The following CFAP299 variants were observed in gnomAD, a reference collection of about 807,000 sequenced individuals.
CFAP299 encodes the protein cilia- and flagella-associated protein 299.
A neutral mutation model predicts 27.0 loss-of-function variants in CFAP299; 21 were observed. That is an observed-to-expected ratio of 0.78 (90% confidence interval 0.55 to 1.12). CFAP299 has a LOEUF of 1.12. Ranked by LOEUF, CFAP299 falls within the 50% of genes most tolerant of loss-of-function variation. The pLI, the probability that CFAP299 is intolerant of heterozygous loss-of-function variation, is 0.00. For missense variants in CFAP299, 310 were observed against 276.6 expected (o/e 1.12, Z -0.86); for synonymous variants, 104 against 98.1 (o/e 1.06, Z -0.36).
At chr4:80,899,176 T>C (rs541728676) in intron 4 of CFAP299, among the ~76,000 whole-genome samples, 3 of 152,342 alleles carry the variant, frequency 2.0e-5, no homozygotes, top group Non-Finnish European at 2.9e-5. Context: ...AGATAATATA[T>C]GTAGAACACT....
chr4:80,712,842 A>G (rs1203398571), intron 3 of CFAP299, among the ~76,000 whole-genome samples: 2 of 152,160 alleles, frequency 1.3e-5, no homozygotes, highest in East Asian at 3.9e-4. Flanking sequence ...ACTGTTTTTC[A>G]TAATCTGACC....
chr4:80,498,615 A>G (rs527332461), intron 2 of CFAP299, among the ~76,000 whole-genome samples: 2 of 152,288 alleles, frequency 1.3e-5, no homozygotes, highest in South Asian at 4.1e-4. Flanking sequence ...GAGGTTGTGG[A>G]GAACAGGGAA....
intron 2 of CFAP299, among the ~76,000 whole-genome samples, chr4:80,385,055 A>G (rs112140903): frequency 6.6e-6 from 1 of 152,198 alleles, no homozygotes; most frequent in African/African-American, 2.4e-5. Flanking sequence ...AAATGAAGCT[A>G]TTACATATCC....
intron 2 of CFAP299, among the ~76,000 whole-genome samples, chr4:80,580,867 C>T (rs1165966763): frequency 6.6e-6 from 1 of 151,958 alleles, no homozygotes. Context: ...CTCTAAGAGA[C>T]AATGTGTGGC....
At chr4:80,583,906 A>G (rs1400986577) in intron 3 of CFAP299, among the ~76,000 whole-genome samples, 1 of 151,998 alleles carries the variant, frequency 6.6e-6, no homozygotes, top group Non-Finnish European at 1.5e-5. Flanking sequence ...ATTTAGAGCA[A>G]CAGAAAAATA....
chr4:80,895,556 A>AAT (rs900447017), intron 4 of CFAP299, among the ~76,000 whole-genome samples: 4 of 151,934 alleles, frequency 2.6e-5, no homozygotes, highest in Non-Finnish European at 5.9e-5. Context: ...GTTTGCAGAA[A>AAT]ATATATATAT....
chr4:80,736,980 G>T (rs1202450465), intron 3 of CFAP299, among the ~76,000 whole-genome samples: 1 of 152,094 alleles, frequency 6.6e-6, no homozygotes, highest in Non-Finnish European at 1.5e-5. Context: ...ATACTACGCA[G>T]CCATAAAAAA....
At chr4:80,485,477 C>G (rs1730768050) in intron 2 of CFAP299, among the ~76,000 whole-genome samples, 1 of 151,822 alleles carries the variant, frequency 6.6e-6, no homozygotes, top group Admixed American at 6.6e-5. Context: ...ATGATCACAA[C>G]TTTAATACAT....
At chr4:80,903,440 A>C (rs1053141919) in intron 4 of CFAP299, among the ~76,000 whole-genome samples, 5 of 152,062 alleles carry the variant, frequency 3.3e-5, no homozygotes, top group Non-Finnish European at 7.4e-5. Context: ...TATTTTTGCT[A>C]TAATATTATT....
chr4:80,948,929 G>A (rs1480425041), intron 5 of CFAP299, among the ~76,000 whole-genome samples: 1 of 152,096 alleles, frequency 6.6e-6, no homozygotes, highest in Non-Finnish European at 1.5e-5. Context: ...AATGGGTATA[G>A]TCATTTTCCC....
chr4:80,530,934 G>C (rs1054128650), intron 2 of CFAP299, among the ~76,000 whole-genome samples: 5 of 152,192 alleles, frequency 3.3e-5, no homozygotes, highest in Admixed American at 3.3e-4. Context: ...GTCAATGATA[G>C]TACAGACTAT....
chr4:80,446,630 G>GTCT (rs959731267), intron 2 of CFAP299, among the ~76,000 whole-genome samples: 1 of 152,044 alleles, frequency 6.6e-6, no homozygotes. Flanking sequence ...AAATACAGCT[G>GTCT]TCTTCTATCC....
chr4:80,899,490 G>A (rs763249084), intron 4 of CFAP299, among the ~76,000 whole-genome samples: 1 of 152,082 alleles, frequency 6.6e-6, no homozygotes, highest in African/African-American at 2.4e-5. Context: ...GAAACGTAGA[G>A]CACAATCTTA....
At chr4:80,636,549 A>G (rs1739472036) in intron 3 of CFAP299, among the ~76,000 whole-genome samples, 1 of 152,184 alleles carries the variant, frequency 6.6e-6, no homozygotes, top group Non-Finnish European at 1.5e-5. Context: ...AACTCTTTCA[A>G]ATTATAAATG....
intron 4 of CFAP299, among the ~76,000 whole-genome samples, chr4:80,900,629 G>C (rs964166997): frequency 6.6e-6 from 1 of 152,040 alleles, no homozygotes; most frequent in East Asian, 1.9e-4. Flanking sequence ...AAATAAAAGA[G>C]TGGAAAAGCC....
intron 4 of CFAP299, chr4:80,872,966 T>C: frequency 2.0e-6 from 2 of 978,418 alleles, no homozygotes; most frequent in Middle Eastern, 5.3e-4. Flanking sequence ...TCAGAAGTTC[T>C]GATAGTCATC....
chr4:80,926,727 G>T (rs1388627577), intron 4 of CFAP299, among the ~76,000 whole-genome samples: 1 of 151,952 alleles, frequency 6.6e-6, no homozygotes, highest in Middle Eastern at 3.2e-3. Flanking sequence ...TGTCAATAGA[G>T]GGAGGAAAAT....
the CFAP299 span, among the ~76,000 whole-genome samples, chr4:80,329,208 C>CACACACATATATATATATATATATAT: frequency 8.1e-5 from 11 of 136,044 alleles, no homozygotes; most frequent in Non-Finnish European, 1.7e-4. Flanking sequence ...ACACTGTATA[C>CACACACATATATATATATATATATAT]ATATATATAT....
chr4:80,722,575 CTT>C (rs1722891917), intron 3 of CFAP299, among the ~76,000 whole-genome samples: 1 of 152,050 alleles, frequency 6.6e-6, no homozygotes, highest in African/African-American at 2.4e-5. Context: ...TTTTAAAAGA[CTT>C]TTAAAACTCT....
Sources: allele counts gnomAD v4.1 joint callset (sites outside exome capture counted in the v4.1 genomes callset), GRCh38; gene constraint gnomAD v4.1.1; transcripts MANE v1.5; gene names NCBI Gene and HGNC (gene_info 2026-07-23, HGNC 2026-07-21).